FAF2: variants seen among roughly 807,000 people sequenced by gnomAD.
The protein encoded by FAF2 is FAS-associated factor 2.
Under a neutral mutation model 62.3 loss-of-function variants are expected in FAF2, and 9 were observed. That is an observed-to-expected ratio of 0.14 (90% CI 0.09 to 0.25). The LOEUF is 0.25. Among genes scored for constraint, FAF2 ranks in the 10% least tolerant of loss-of-function variants. The pLI is 1.00. For missense variants in FAF2, 368 were observed against 556.2 expected, an observed-to-expected ratio of 0.66 and a Z score of 3.40; for synonymous variants, 202 against 198.0, an observed-to-expected ratio of 1.02 and a Z score of -0.17.
chr5:176,502,256 A>G (rs186794076), intron 10 of FAF2, among the ~76,000 whole-genome samples: 1 of 152,254 alleles, frequency 6.6e-6, no homozygotes, highest in East Asian at 1.9e-4. Context: ...TGGAATTTCT[A>G]CCCTAAAAAT....
At position 176,486,382 on chromosome 5, in the gene FAF2, C is replaced by G. The variant is rs540774262; in HGVS notation, c.160C>G (p.Gln54Glu). The change falls in exon 3 of 11, where the codon CAA becomes GAA. Residue 54 changes from glutamine (Q) to glutamate (E), a missense_variant. Around this residue, in one of 2 missense-constraint regions of FAF2, gnomAD observed 331 missense variants for 441.9 expected, o/e 0.75. Coordinates refer to ENST00000261942, the MANE Select transcript of FAF2 (RefSeq NM_014613.3). Reference sequence around the variant, plus strand: ...TGCTGTACAGGACAGATTGAATGAGCAAGAGGGCGTACCTAGTGTTTTCAA... The same window carrying G: ...TGCTGTACAGGACAGATTGAATGAGGAAGAGGGCGTACCTAGTGTTTTCAA... The part of the protein sequence containing the change: ...EAAVQDRLNE[Q>E]EGVPSVFNPP... The G allele has an allele frequency of 1.9e-5, 31 of 1,614,058 alleles. No individual in the cohort carries two copies. Among genetic ancestry groups the G allele is most frequent in the Non-Finnish European group, 2.6e-5 (31 of 1,180,038 alleles).
intron 8 of FAF2, among the ~76,000 whole-genome samples, chr5:176,498,074 A>G (rs1452529774): frequency 1.3e-5 from 2 of 152,198 alleles, no homozygotes; most frequent in Admixed American, 6.5e-5. Flanking sequence ...TTGAGGCTGC[A>G]GTGAGTCATG....
At chr5:176,479,075 C>G (rs979694350) in intron 1 of FAF2, 113 bp from the exon 2 acceptor site, 1 of 832,546 alleles carries the variant, frequency 1.2e-6, no homozygotes, top group Non-Finnish European at 2.1e-6. Context: ...CATACTTTAA[C>G]ACTCACTTTT....
chr5:176,499,882 A>G, intron 9 of FAF2, 121 bp from the exon 10 acceptor site: 1 of 1,155,682 alleles, frequency 8.7e-7, no homozygotes. Context: ...ACTATTCCTG[A>G]GAGGTTTTTC....
chr5:176,469,861 G>C (rs531251888), intron 1 of FAF2, among the ~76,000 whole-genome samples: 1 of 152,234 alleles, frequency 6.6e-6, no homozygotes, highest in South Asian at 2.1e-4. Context: ...GGAGTATTTC[G>C]TAAAATAATG....
At chr5:176,460,241 A>G (rs1437159253) in intron 1 of FAF2, among the ~76,000 whole-genome samples, 1 of 152,132 alleles carries the variant, frequency 6.6e-6, no homozygotes, top group African/African-American at 2.4e-5. Flanking sequence ...CTTTGGGTGT[A>G]TACCCATTAA....
intron 1 of FAF2, among the ~76,000 whole-genome samples, chr5:176,457,618 A>G (rs1421778534): frequency 1.3e-5 from 2 of 151,814 alleles, no homozygotes; most frequent in Admixed American, 6.6e-5. Flanking sequence ...TGAAATAGTC[A>G]TAAAACTGAT....
intron 1 of FAF2, among the ~76,000 whole-genome samples, chr5:176,455,782 A>G (rs1758268388): frequency 6.6e-6 from 1 of 152,050 alleles, no homozygotes; most frequent in South Asian, 2.1e-4. Context: ...AGAAGTTCCA[A>G]GGAGTGCTAG....
chr5:176,503,639 G>A (rs1455250451), intron 10 of FAF2, among the ~76,000 whole-genome samples: 1 of 152,050 alleles, frequency 6.6e-6, no homozygotes. Flanking sequence ...CAGATTTGTA[G>A]GTAATGCTCA....
chr5:176,464,927 G>A (rs1758437975), intron 1 of FAF2, among the ~76,000 whole-genome samples: 1 of 151,888 alleles, frequency 6.6e-6, no homozygotes, highest in East Asian at 1.9e-4. Context: ...TCGCTGTATC[G>A]CCCCGGCTAG....
intron 1 of FAF2, among the ~76,000 whole-genome samples, chr5:176,455,609 T>G (rs574279315): frequency 2.3e-4 from 35 of 151,928 alleles, no homozygotes; most frequent in Non-Finnish European, 4.4e-4. Flanking sequence ...ATTAGCCAGA[T>G]TTGGTGGCGG....
chr5:176,500,246 C>A, intron 10 of FAF2, 100 bp downstream of exon 10: 1 of 1,173,316 alleles, frequency 8.5e-7, no homozygotes, highest in Non-Finnish European at 1.2e-6. Context: ...ATCTGCTGCT[C>A]TGATGAACAG....
intron 2 of FAF2, among the ~76,000 whole-genome samples, chr5:176,485,402 C>T (rs191702014): frequency 2.5e-4 from 38 of 152,318 alleles, no homozygotes; most frequent in Non-Finnish European, 5.9e-5. Context: ...CCGGCTTTCA[C>T]CCTAAGACTA....
chr5:176,456,396 A>G (rs1168379380), intron 1 of FAF2, among the ~76,000 whole-genome samples: 1 of 152,198 alleles, frequency 6.6e-6, no homozygotes, highest in Non-Finnish European at 1.5e-5. Context: ...AAAACTTAAA[A>G]TGAACAACTC....
intron 1 of FAF2, among the ~76,000 whole-genome samples, chr5:176,470,869 T>G (rs749472895): frequency 9.2e-5 from 14 of 152,214 alleles, no homozygotes; most frequent in Non-Finnish European, 1.9e-4. Context: ...GGCAGTCTAT[T>G]TCCACTTTTT....
rs182721343 is a variant in FAF2 at position 176,497,401 on chromosome 5, T to A, written c.839+738T>A. Among the ~76,000 whole-genome samples, 523 of 152,346 alleles carry A rather than the reference T, an allele frequency of 3.4e-3. 11 individuals carry two copies. The South Asian group carries it at 0.043, about 13-fold the overall frequency. On this transcript the variant is annotated intron_variant, in intron 8 of 10. Coordinates refer to ENST00000261942, the MANE Select transcript of FAF2 (RefSeq NM_014613.3). ...ACTTGAACATTGTTATAAATTTTTT[T>A]AATTTTATACACAACACACACCCCT... is the stretch of plus-strand genomic sequence containing the variant.
At chr5:176,492,880 C>T (rs1264280897) in intron 5 of FAF2, among the ~76,000 whole-genome samples, 2 of 152,198 alleles carry the variant, frequency 1.3e-5, no homozygotes, top group Non-Finnish European at 2.9e-5. Flanking sequence ...ACTGAAAGCC[C>T]CTTGAAGGCA....
intron 1 of FAF2, among the ~76,000 whole-genome samples, chr5:176,476,062 C>T (rs1561820513): frequency 6.6e-6 from 1 of 152,126 alleles, no homozygotes; most frequent in Non-Finnish European, 1.5e-5. Context: ...TCAAGGCCAG[C>T]CTGGGCAACA....
chr5:176,448,961 G>A (rs571920595), intron 1 of FAF2, among the ~76,000 whole-genome samples: 2 of 152,224 alleles, frequency 1.3e-5, no homozygotes, highest in Non-Finnish European at 2.9e-5. Flanking sequence ...GGTCGGGGAG[G>A]GGGCACCTAC....
Sources: allele counts gnomAD v4.1 joint callset (sites outside exome capture counted in the v4.1 genomes callset), GRCh38; gene constraint gnomAD v4.1.1; regional missense constraint gnomAD v4.1.1; transcripts MANE v1.5; gene names NCBI Gene and HGNC (gene_info 2026-07-23, HGNC 2026-07-21).